Variants in SV2A observed in about 807,000 individuals in gnomAD.
SV2A encodes solute carrier family 22 member B1.
In SV2A, 25 loss-of-function variants were observed where a neutral mutation model predicts 78.0. The observed-to-expected ratio is 0.32, with a 90% CI of 0.23 to 0.45. SV2A has a LOEUF of 0.45. SV2A is among the 20% of genes least tolerant of loss of function. The pLI is 1.00. For synonymous variants in SV2A, 355 were observed against 384.7 expected (o/e 0.92, Z 0.90); for missense variants, 752 against 971.5 (o/e 0.77, Z 3.00).
chr1:149,905,788 C>A, intron 12 of SV2A, 92 bp downstream of exon 12: 1 of 1,514,756 alleles, frequency 6.6e-7, no homozygotes, highest in South Asian at 1.2e-5. Context: ...TATATCCTCT[C>A]ACCCCTAAGG....
chr1:149,907,683 C>T lies in SV2A; in HGVS notation c.1678+17G>A, dbSNP rs374519007. 6.2e-7 allele frequency: 1 copy of T among 1,610,002 alleles called. No homozygotes were observed. On this transcript the variant is annotated intron_variant, in intron 10 of 12. Coordinates refer to ENST00000369146, the MANE Select transcript of SV2A (RefSeq NM_014849.5). ...CCCAACCCTTTGGTCTGACACCCAC[C>T]AGCCACCCCGCCTTACCAGTGTTAT...
Position 149,903,411 on chromosome 1 carries a change from G to A in SV2A, c.*1603C>T, listed in dbSNP as rs1290175616. ...ACAGAGTTGGGTTTAGGGTTCCCCA[G>A]GAGAGCAAGGGAGATGGATGGGTCC... is the stretch of plus-strand genomic sequence containing the variant. On this transcript the variant is annotated 3_prime_UTR_variant, in exon 13 of 13. Transcript: ENST00000369146. 1 of 152,278 alleles carries A rather than the reference G, an allele frequency of 6.6e-6. No homozygotes were observed. Among genetic ancestry groups the A allele is most frequent in the Non-Finnish European group, 1.5e-5 (1 of 68,072 alleles). The allele number at this position is 152,278 out of a possible 1,614,324, so 9.4% of individuals were successfully genotyped here.
chr1:149,914,064 G>C lies in SV2A; in HGVS notation c.-224C>G. ...GCTTTGACCTATACCCAGTTCAGTT[G>C]GGTGGATGGGGAAGGGACAGGGGGA... On this transcript the variant is annotated 5_prime_UTR_variant, in exon 2 of 13. Transcript: ENST00000369146. 1 of 551,076 alleles carries C rather than the reference G, an allele frequency of 1.8e-6. No individual in the cohort carries two copies. The highest frequency in any genetic ancestry group is 3.0e-6 in the Non-Finnish European group (1 of 335,808). The allele number at this position is 551,076 out of a possible 1,614,324, so 34.1% of individuals were successfully genotyped here. A position where few individuals can be genotyped will look rare whatever the true frequency, so the allele number is the denominator to read the frequency against.
In SV2A at chr1:149,910,220, A is replaced by G. The variant is rs886234108; in HGVS notation, c.1090-330T>C. On this transcript the variant is annotated intron_variant, in intron 5 of 12. Transcript: ENST00000369146. This position sits in a 1 kb window ranked among gnomAD's most constrained non-coding sequence, Gnocchi z 4.2. ...AAGGTAAGGGAAATGATGGGCAAGCATGTAGTCAAAGACCTAATCCTGCTG... is the reference window on the plus strand; with the variant it reads ...AAGGTAAGGGAAATGATGGGCAAGCGTGTAGTCAAAGACCTAATCCTGCTG... 6.6e-6 allele frequency among the ~76,000 whole-genome samples: 1 copy of G among 152,206 alleles called. No individual in the cohort carries two copies. Among genetic ancestry groups the G allele is most frequent in the Non-Finnish European group, 1.5e-5 (1 of 68,046 alleles).
In SV2A at chr1:149,906,052, G is replaced by C. The variant is rs1553762690; in HGVS notation, c.1886-13C>G. ...ACGCTGGAGCCAGCTGGAGCCAGGA[G>C]AGGAGAGAGCAACATGAGCCTGGCC... is the stretch of plus-strand genomic sequence containing the variant. On this transcript the variant is annotated splice_polypyrimidine_tract_variant and intron_variant, in intron 11 of 12. Transcript: ENST00000369146. The C allele has an allele frequency of 6.2e-7, 1 of 1,613,974 alleles. No individual in the cohort carries two copies. The highest frequency in any genetic ancestry group is 1.1e-5 in the South Asian group (1 of 91,068).
chr1:149,904,828 C>A lies in SV2A; in HGVS notation c.*186G>T. ...CATCTCAAAACTGGGATGAAGGAGCCTTCCCTGTAGTCCCTGCCCACGGGG... is the reference window on the plus strand; with the variant it reads ...CATCTCAAAACTGGGATGAAGGAGCATTCCCTGTAGTCCCTGCCCACGGGG... On this transcript the variant is annotated 3_prime_UTR_variant, in exon 13 of 13. Coordinates refer to ENST00000369146, the MANE Select transcript of SV2A (RefSeq NM_014849.5). 1.6e-6 allele frequency: 1 copy of A among 610,998 alleles called. No homozygotes were observed. Among genetic ancestry groups the A allele is most frequent in the Non-Finnish European group, 2.8e-6 (1 of 362,294 alleles). 37.8% of individuals were successfully genotyped at this position (610,998 alleles called of 1,614,324 possible).
At chr1:149,909,596 A>C (rs1163850376) in intron 6 of SV2A, 25 bp from the exon 7 acceptor site, 2 of 1,598,232 alleles carry the variant, frequency 1.3e-6, no homozygotes, top group Non-Finnish European at 1.7e-6. Flanking sequence ...AGGGGTGGGC[A>C]GTCACACACT....
chr1:149,914,721 T>C (rs2092501862), intron 1 of SV2A, among the ~76,000 whole-genome samples: 1 of 152,174 alleles, frequency 6.6e-6, no homozygotes, highest in African/African-American at 2.4e-5. Context: ...AATGCTCAGC[T>C]TCCAGAGTCA....
At chr1:149,916,900 G>A (rs1553764619) in intron 1 of SV2A, among the ~76,000 whole-genome samples, 1 of 152,078 alleles carries the variant, frequency 6.6e-6, no homozygotes, top group African/African-American at 2.4e-5. Context: ...AAAAATGAGG[G>A]TGTCAGCTGA....
chr1:149,905,899 G>A lies in SV2A; in HGVS notation c.2026C>T (p.Leu676Phe), dbSNP rs377652690. ...AACTACCTCTTGTCTGAGGGGTAGAGTTCAACAGTCAACACGTCCAGCGCA... is the reference window on the plus strand; with the variant it reads ...AACTACCTCTTGTCTGAGGGGTAGAATTCAACAGTCAACACGTCCAGCGCA... ...WNALDVLTVE[L>F]YPSDKRTTAF... The change falls in exon 12 of 13, where the codon CTC becomes TTC. Residue 676 changes from leucine to phenylalanine, a missense_variant. Leu to Phe is a conservative substitution (Grantham distance 22). Coordinates refer to ENST00000369146, the MANE Select transcript of SV2A (RefSeq NM_014849.5). 1 of 1,614,120 alleles carries A rather than the reference G, an allele frequency of 6.2e-7. No individual in the cohort carries two copies. The highest frequency in any genetic ancestry group is 8.5e-7 in the Non-Finnish European group (1 of 1,180,022).
At position 149,906,705 on chromosome 1, in the gene SV2A, A is replaced by C; in HGVS notation, c.1830T>G (p.Pro610=). 1 of 1,614,220 alleles carries C rather than the reference A, an allele frequency of 6.2e-7. No individual in the cohort carries two copies. The highest frequency in any genetic ancestry group is 8.5e-7 in the Non-Finnish European group (1 of 1,180,038). The change falls in exon 11 of 13, where the codon CCT becomes CCG. Residue 610 remains proline, a synonymous_variant. Transcript: ENST00000369146. The part of the protein sequence containing the change: ...VSFLGTLAVL[P]GNIVSALLMD... ...TGAGCAGGGCAGACACGATATTCCC[A>C]GGAAGCACTGCCAGTGTCCCCAGGA... is the stretch of plus-strand genomic sequence containing the variant.
In SV2A at chr1:149,907,813, T is replaced by G; in HGVS notation, c.1565A>C (p.Lys522Thr). The change falls in exon 10 of 13, where the codon AAG becomes ACG. Residue 522 changes from lysine (K) to threonine (T), a missense_variant. By Grantham distance (78) the Lys-to-Thr change is moderately conservative. Coordinates refer to ENST00000369146, the MANE Select transcript of SV2A (RefSeq NM_014849.5). ...FNDKFIGLRL[K>T]SVSFEDSLFE... Reference sequence around the variant, plus strand: ...CAGGGAATCCTCAAAGGACACTGACTTGAGCCGCAGCCCAATGAACCTGTA... The same window carrying G: ...CAGGGAATCCTCAAAGGACACTGACGTGAGCCGCAGCCCAATGAACCTGTA... The G allele has an allele frequency of 6.2e-7, 1 of 1,614,140 alleles. No individual in the cohort carries two copies. Among genetic ancestry groups the G allele is most frequent in the Non-Finnish European group, 8.5e-7 (1 of 1,180,002 alleles).
Position 149,904,288 on chromosome 1 carries a change from C to T in SV2A, c.*726G>A, listed in dbSNP as rs1174440479. 1 of 152,734 alleles carries T rather than the reference C, an allele frequency of 6.5e-6. No individual in the cohort carries two copies. Among genetic ancestry groups the T allele is most frequent in the East Asian group, 1.9e-4 (1 of 5,196 alleles). The allele number at this position is 152,734 out of a possible 1,614,324, so 9.5% of individuals were successfully genotyped here. ...TGTGTGTGCATCCGCTGAAATTACC[C>T]TTGGCTTATATTTGAGGACAGTATA... On this transcript the variant is annotated 3_prime_UTR_variant, in exon 13 of 13. Coordinates refer to ENST00000369146, the MANE Select transcript of SV2A (RefSeq NM_014849.5).
Position 149,913,986 on chromosome 1 carries a change from G to T in SV2A, c.-146C>A. On this transcript the variant is annotated 5_prime_UTR_variant, in exon 2 of 13. Coordinates refer to ENST00000369146, the MANE Select transcript of SV2A (RefSeq NM_014849.5). ...CCAGTATCTCTGGGCACAAAAAAAA[G>T]AGCAAACAGGTCCTAGCCAATGAGT... 1 of 1,253,372 alleles carries T rather than the reference G, an allele frequency of 8.0e-7. No homozygotes were observed. 77.6% of individuals were successfully genotyped at this position (1,253,372 alleles called of 1,614,324 possible).
At position 149,909,274 on chromosome 1, in the gene SV2A, C is replaced by T. The variant is rs2092459935; in HGVS notation, c.1297G>A (p.Gly433Arg). Reference sequence around the variant, plus strand: ...GGACCAAAACAGGAGAGAAAATTCCCCCAAACCTACAGGGGACCAGACAAA... The same window carrying T: ...GGACCAAAACAGGAGAGAAAATTCCTCCAAACCTACAGGGGACCAGACAAA... ...RALSLGGQVW[G>R]NFLSCFGPEY... is the part of the protein sequence containing the mutation. The change falls in exon 8 of 13, where the codon GGG becomes AGG. Residue 433 changes from glycine (G) to arginine (R), a missense_variant. Physicochemically the swap from Gly to Arg is moderately radical, Grantham distance 125 (BLOSUM62 -2). This residue lies in a region of SV2A where 136 missense variants were observed against 132.3 expected (regional missense o/e 1.03). Transcript: ENST00000369146. The T allele has an allele frequency of 1.2e-6, 2 of 1,614,090 alleles. No homozygotes were observed. Among genetic ancestry groups the T allele is most frequent in the Non-Finnish European group, 1.7e-6 (2 of 1,180,006 alleles).
Position 149,904,948 on chromosome 1 carries a change from G to A in SV2A, c.*66C>T. 4 of 1,497,548 alleles carry A rather than the reference G, an allele frequency of 2.7e-6. No homozygotes were observed. The highest frequency in any genetic ancestry group is 2.4e-5 in the East Asian group (1 of 41,748). The allele number at this position is 1,497,548 out of a possible 1,614,324, so 92.8% of individuals were successfully genotyped here. A position where few individuals can be genotyped will look rare whatever the true frequency, so the allele number is the denominator to read the frequency against. On this transcript the variant is annotated 3_prime_UTR_variant, in exon 13 of 13. Transcript: ENST00000369146. ...TCTGGAGGTCAGGATGGCAGGGCAG[G>A]GAGGGGAAGGAAGGAGTTGTTGGTC...
chr1:149,905,894 G>A lies in SV2A; in HGVS notation c.2031C>T (p.Tyr677=), dbSNP rs2092434612. The change falls in exon 12 of 13, where the codon TAC becomes TAT. Residue 677 remains tyrosine, a synonymous_variant. Coordinates refer to ENST00000369146, the MANE Select transcript of SV2A (RefSeq NM_014849.5). ...NALDVLTVEL[Y]PSDKRTTAFG... is the part of the protein sequence containing the mutation. The stretch of plus-strand genomic sequence containing the variant: ...ATTCCAACTACCTCTTGTCTGAGGG[G>A]TAGAGTTCAACAGTCAACACGTCCA... 1 of 1,613,982 alleles carries A rather than the reference G, an allele frequency of 6.2e-7. No individual in the cohort carries two copies. The highest frequency in any genetic ancestry group is 1.3e-5 in the African/African-American group (1 of 74,888).
intron 6 of SV2A, 49 bp downstream of exon 6, chr1:149,909,752 G>C: frequency 3.8e-6 from 6 of 1,595,870 alleles, no homozygotes; most frequent in African/African-American, 1.3e-5. Flanking sequence ...CCAGGTAGGG[G>C]CTGGGGCTGC....
In SV2A at chr1:149,909,466, C is replaced by A; in HGVS notation, c.1285G>T (p.Gly429Trp). ...RWGVRALSLG[G>W]QVWGNFLSCF... ...ACCACCCCGTCCACCATTACCTGCC[C>A]CCCTAGGCTCAAGGCCCGGACCCCC... Residue 429 changes from glycine (G) to tryptophan (W), a missense_variant, in exon 7 of 13, where the codon GGG (glycine) becomes TGG (tryptophan). Coordinates refer to ENST00000369146, the MANE Select transcript of SV2A (RefSeq NM_014849.5). 1 of 1,613,414 alleles carries A rather than the reference C, an allele frequency of 6.2e-7. No homozygotes were observed. The highest frequency in any genetic ancestry group is 8.5e-7 in the Non-Finnish European group (1 of 1,179,444).
Sources: gnomAD v4.1 joint callset for allele counts (sites outside exome capture counted in the v4.1 genomes callset) on GRCh38, gnomAD v4.1.1 for gene constraint, gnomAD v4.1.1 regional missense constraint, Gnocchi (gnomAD v3.1) non-coding constraint, MANE v1.5 for transcripts, NCBI Gene and HGNC (gene_info 2026-07-23, HGNC 2026-07-21) for gene names.